Variants in OR51B5 observed in about 807,000 individuals in gnomAD.
OR51B5 encodes the protein olfactory receptor family 51 subfamily B member 5, also known as olfactory receptor 51B5.
For missense variants in OR51B5, 456 were observed against 374.6 expected (o/e 1.22, Z -1.79); for synonymous variants, 186 against 144.8 (o/e 1.28, Z -2.04).
chr11:5,417,768 G>A (rs989906880), intron 1 of OR51B5, among the ~76,000 whole-genome samples: 18 of 147,082 alleles, frequency 1.2e-4, no homozygotes, highest in East Asian at 2.0e-4. Flanking sequence ...AAAAAGTCAG[G>A]AAACAACAGG....
At chr11:5,357,344 G>A (rs1449137740) in intron 1 of OR51B5, among the ~76,000 whole-genome samples, 1 of 150,756 alleles carries the variant, frequency 6.6e-6, no homozygotes, top group African/African-American at 2.4e-5. Flanking sequence ...TGATAAAACA[G>A]GCTTTAAACC....
chr11:5,380,598 AG>A (rs1474345645), intron 1 of OR51B5, among the ~76,000 whole-genome samples: 1 of 152,164 alleles, frequency 6.6e-6, no homozygotes, highest in Non-Finnish European at 1.5e-5. Flanking sequence ...TGGGGATTTA[AG>A]GCTTGGTCAA....
chr11:5,453,382 C>T (rs1221463889), intron 1 of OR51B5: 2 of 727,204 alleles, frequency 2.8e-6, no homozygotes, highest in Non-Finnish European at 2.1e-6. Context: ...TCAACATCAT[C>T]GCTTTGTCTC....
chr11:5,423,638 G>A (rs1282139201), intron 1 of OR51B5, among the ~76,000 whole-genome samples: 1 of 152,058 alleles, frequency 6.6e-6, no homozygotes, highest in Non-Finnish European at 1.5e-5. Context: ...CATTTTGAGG[G>A]ACAATAGACA....
chr11:5,376,279 A>G (rs1849526772), intron 1 of OR51B5, among the ~76,000 whole-genome samples: 2 of 152,288 alleles, frequency 1.3e-5, no homozygotes, highest in African/African-American at 2.4e-5. Flanking sequence ...ACAAAGACAC[A>G]ACATACCAGA....
At chr11:5,486,567 G>C (rs2133811856) in intron 1 of OR51B5, among the ~76,000 whole-genome samples, 1 of 152,288 alleles carries the variant, frequency 6.6e-6, no homozygotes, top group African/African-American at 2.4e-5. Flanking sequence ...GCCACAAGCA[G>C]CTCTTTAGCT....
chr11:5,471,883 T>C (rs1342842520), intron 1 of OR51B5, among the ~76,000 whole-genome samples: 2 of 152,196 alleles, frequency 1.3e-5, no homozygotes, highest in South Asian at 4.1e-4. Context: ...AAGGTGCTTA[T>C]TCAGACTCCC....
chr11:5,375,429 C>T (rs11500443), intron 1 of OR51B5, among the ~76,000 whole-genome samples: 5,656 of 131,560 alleles, frequency 0.043, 367 homozygotes, highest in African/African-American at 0.15. Context: ...CATCAACTAA[C>T]GAGCAAAATA....
At chr11:5,479,689 A>G (rs989541572) in intron 1 of OR51B5, among the ~76,000 whole-genome samples, 1 of 151,070 alleles carries the variant, frequency 6.6e-6, no homozygotes, top group African/African-American at 2.4e-5. Context: ...AATGGAAAAC[A>G]AAAAAAGGCA....
At position 5,500,100 on chromosome 11, in the gene OR51B5, C is replaced by A. The variant is rs888853764; in HGVS notation, n.84+5469G>T. On this transcript the variant is annotated intron_variant and non_coding_transcript_variant, in intron 1 of 4. Coordinates refer to the OR51B5 transcript ENST00000415970. ...ACCATTTTGCAAAGGACACAGTGAC[C>A]AAATTATGTGCACCTTTGTGAGAAT... 5.9e-5 allele frequency among the ~76,000 whole-genome samples: 9 copies of A among 152,290 alleles called. No homozygotes were observed. In the South Asian group the frequency reaches 1.9e-3, roughly 32 times the overall value.
chr11:5,468,782 G>C (rs1371618470), intron 1 of OR51B5: 2 of 455,236 alleles, frequency 4.4e-6, no homozygotes, highest in Non-Finnish European at 8.8e-6. Flanking sequence ...GATGAGCAGT[G>C]AATCTACACC....
At chr11:5,382,816 G>A (rs1050749743) in intron 1 of OR51B5, among the ~76,000 whole-genome samples, 1 of 152,166 alleles carries the variant, frequency 6.6e-6, no homozygotes, top group Non-Finnish European at 1.5e-5. Context: ...CTGTCTGGGT[G>A]TGGTCTGATC....
intron 1 of OR51B5, chr11:5,441,235 C>A: frequency 6.2e-7 from 1 of 1,613,952 alleles, no homozygotes; most frequent in Admixed American, 1.7e-5. Context: ...TTAAACGCAA[C>A]ATGGTTGTAG....
intron 1 of OR51B5, among the ~76,000 whole-genome samples, chr11:5,432,201 T>G (rs1010604507): frequency 2.0e-5 from 3 of 152,204 alleles, no homozygotes; most frequent in Non-Finnish European, 4.4e-5. Context: ...CCTCTGGTGA[T>G]TATCATTCTA....
At chr11:5,476,114 G>T (rs879370971) in intron 1 of OR51B5, among the ~76,000 whole-genome samples, 2 of 152,158 alleles carry the variant, frequency 1.3e-5, no homozygotes, top group Non-Finnish European at 2.9e-5. Context: ...TAGCTCTATA[G>T]GCTGTGTTAG....
rs141286868 is a variant in OR51B5 at position 5,342,811 on chromosome 11, G to C, written c.714C>G (p.Thr238=). 7.5e-4 allele frequency: 1,210 copies of C among 1,613,550 alleles called. 11 individuals are homozygous for C. The African/African-American group carries it at 0.013, about 18-fold the overall frequency. ...GGACACAGCAGATATGGGAGACACA[G>C]GTAATGAGAGCCTTGGCCCTCTCCT... Residue 238 remains threonine (T), a synonymous_variant, in exon 1 of 1, where the codon ACC becomes ACG. Transcript: ENST00000300773.
chr11:5,353,632 C>T (rs944131427), intron 1 of OR51B5, among the ~76,000 whole-genome samples: 5 of 152,172 alleles, frequency 3.3e-5, no homozygotes, highest in Non-Finnish European at 7.3e-5. Context: ...GTATCCATGA[C>T]TCAAATGATA....
chr11:5,505,413 A>T, intron 1 of OR51B5: 1 of 1,304,252 alleles, frequency 7.7e-7, no homozygotes, highest in Non-Finnish European at 1.0e-6. Context: ...GCACCACCAT[A>T]AACAATAGGT....
chr11:5,361,008 G>GGA (rs1849276128), intron 1 of OR51B5, among the ~76,000 whole-genome samples: 163 of 146,740 alleles, frequency 1.1e-3, no homozygotes, highest in Non-Finnish European at 1.3e-3. Flanking sequence ...GGGTCGGGGG[G>GGA]AGGGATAGCA....
Sources: allele counts gnomAD v4.1 joint callset (sites outside exome capture counted in the v4.1 genomes callset), GRCh38; gene constraint gnomAD v4.1.1; transcripts MANE v1.5; gene names NCBI Gene and HGNC (gene_info 2026-07-23, HGNC 2026-07-21).